The following STAB2 variants were observed in gnomAD, a reference collection of about 807,000 sequenced individuals.
The protein encoded by STAB2 is stabilin 2.
A neutral mutation model predicts 338.1 loss-of-function variants in STAB2; 288 were observed. That is an observed-to-expected ratio of 0.85 (90% confidence interval 0.77 to 0.94). The LOEUF (loss-of-function observed/expected upper bound fraction) is 0.94. STAB2 is among the 40% of genes least tolerant of loss of function. The pLI is 0.00. For synonymous variants in STAB2, 1,202 were observed against 1,193.3 expected, an observed-to-expected ratio of 1.01 and a Z score of -0.15; for missense variants, 3,141 against 3,210.1, an observed-to-expected ratio of 0.98 and a Z score of 0.52.
rs752889908 is a variant in STAB2, at chr12:103,637,156, G to A, written c.629G>A (p.Cys210Tyr). 1 of 1,612,838 alleles carries A rather than the reference G, an allele frequency of 6.2e-7. No homozygotes were observed. Among genetic ancestry groups the A allele is most frequent in the South Asian group, 1.1e-5 (1 of 90,770 alleles). The change falls in exon 7 of 69, where the codon TGT becomes TAT. Residue 210 changes from cysteine (C) to tyrosine (Y), a missense_variant. Physicochemically the swap from Cys to Tyr is radical, Grantham distance 194. Coordinates refer to ENST00000388887, the MANE Select transcript of STAB2 (RefSeq NM_017564.10). ...AALLCPENSRCSPSTEDENKL... is the reference protein window; with the variant it reads ...AALLCPENSRYSPSTEDENKL... ...TTGCTCTGCCCAGAAAATTCCAGATGTTCGCCTTCCACTGAAGATGAAAAC... is the reference window on the plus strand; with the variant it reads ...TTGCTCTGCCCAGAAAATTCCAGATATTCGCCTTCCACTGAAGATGAAAAC...
rs372928667 is a variant in STAB2, at chr12:103,698,411, G to A, written c.3583-685G>A. Among the ~76,000 whole-genome samples, 22 of 152,186 alleles carry A rather than the reference G, an allele frequency of 1.4e-4. No individual in the cohort carries two copies. The East Asian group carries it at 2.1e-3, about 15-fold the overall frequency. Reference sequence around the variant, plus strand: ...AGTGGTTGGGAAGAGACATCAAGAGGGTAAGAAGGTTAAGAGGGGTGGAAG... The same window carrying A: ...AGTGGTTGGGAAGAGACATCAAGAGAGTAAGAAGGTTAAGAGGGGTGGAAG... On this transcript the variant is annotated intron_variant, in intron 33 of 68. Transcript: ENST00000388887.
chr12:103,648,061 G>A (rs532259448), intron 9 of STAB2, among the ~76,000 whole-genome samples: 12 of 152,204 alleles, frequency 7.9e-5, no homozygotes, highest in Non-Finnish European at 1.6e-4. Flanking sequence ...TTATAGGGAA[G>A]CAGATATTAA....
chr12:103,684,430 A>C (rs1236614475), intron 26 of STAB2, among the ~76,000 whole-genome samples: 1 of 152,148 alleles, frequency 6.6e-6, no homozygotes, highest in Non-Finnish European at 1.5e-5. Flanking sequence ...AGATGCCCCC[A>C]AGGTGTCTGT....
At chr12:103,596,613 A>T (rs1219700343) in intron 3 of STAB2, among the ~76,000 whole-genome samples, 9 of 152,230 alleles carry the variant, frequency 5.9e-5, no homozygotes, top group Admixed American at 4.6e-4. Context: ...GGGTGACTCA[A>T]AGTCAAAATA....
At chr12:103,702,413 C>T (rs554331828) in intron 34 of STAB2, among the ~76,000 whole-genome samples, 3 of 152,180 alleles carry the variant, frequency 2.0e-5, no homozygotes, top group Admixed American at 6.5e-5. Context: ...GTTCTCCTGC[C>T]TCAGCCTCCC....
chr12:103,685,459 T>TGTGTGTGTGTGTGC (rs746468070), intron 27 of STAB2, among the ~76,000 whole-genome samples: 46 of 135,660 alleles, frequency 3.4e-4, no homozygotes, highest in Non-Finnish European at 5.8e-4. Context: ...TGTGTGCGCG[T>TGTGTGTGTGTGTGC]GCGTGTGTGT....
At chr12:103,602,145 A>T (rs1409696279) in intron 3 of STAB2, among the ~76,000 whole-genome samples, 2 of 152,216 alleles carry the variant, frequency 1.3e-5, no homozygotes, top group Non-Finnish European at 2.9e-5. Flanking sequence ...ATCCCTGGAA[A>T]ATACTAACCT....
intron 5 of STAB2, among the ~76,000 whole-genome samples, chr12:103,630,019 G>C (rs555049386): frequency 6.6e-6 from 1 of 152,220 alleles, no homozygotes; most frequent in Non-Finnish European, 1.5e-5. Context: ...AGTCAGGTTG[G>C]AGTGGCCATT....
chr12:103,669,796 G>T (rs1251347010), intron 21 of STAB2, among the ~76,000 whole-genome samples, 169 bp downstream of exon 21: 1 of 152,168 alleles, frequency 6.6e-6, no homozygotes, highest in East Asian at 1.9e-4. Context: ...GTCTGGGATG[G>T]GGGATGGGAG....
At chr12:103,590,765 C>A in intron 1 of STAB2, 132 bp from the exon 2 acceptor site, 2 of 1,068,780 alleles carry the variant, frequency 1.9e-6, no homozygotes, top group Non-Finnish European at 2.7e-6. Context: ...CATTACCAAT[C>A]AACCTTATCA....
At chr12:103,661,281 T>A (rs1205506853) in intron 17 of STAB2, among the ~76,000 whole-genome samples, 2 of 150,074 alleles carry the variant, frequency 1.3e-5, no homozygotes, top group East Asian at 3.9e-4. Context: ...GGGAACACAA[T>A]TCATTTTTAA....
intron 19 of STAB2, among the ~76,000 whole-genome samples, chr12:103,668,319 C>G (rs901502035): frequency 6.6e-6 from 1 of 152,128 alleles, no homozygotes; most frequent in Non-Finnish European, 1.5e-5. Context: ...GGCTATAGAT[C>G]GGAAGGGGAG....
chr12:103,634,812 G>A (rs992433323), intron 6 of STAB2, among the ~76,000 whole-genome samples: 1 of 152,216 alleles, frequency 6.6e-6, no homozygotes, highest in Non-Finnish European at 1.5e-5. Context: ...GTACCTCAGA[G>A]TTCTCTGCTT....
intron 55 of STAB2, among the ~76,000 whole-genome samples, chr12:103,741,620 AT>A (rs778514629): frequency 6.6e-6 from 1 of 152,076 alleles, no homozygotes. Context: ...GACTCAGCTA[AT>A]TTTTTTGTAT....
intron 6 of STAB2, among the ~76,000 whole-genome samples, chr12:103,635,523 T>C (rs905141943): frequency 1.3e-5 from 2 of 152,234 alleles, no homozygotes; most frequent in Non-Finnish European, 2.9e-5. Context: ...TGTCCAGTGC[T>C]TGACTCAGGA....
chr12:103,748,121 T>C (rs528656059), intron 58 of STAB2, among the ~76,000 whole-genome samples: 1 of 152,286 alleles, frequency 6.6e-6, no homozygotes, highest in African/African-American at 2.4e-5. Context: ...CAGAGATATA[T>C]ACTTTCTTTA....
chr12:103,628,693 C>T (rs774299438), intron 5 of STAB2, among the ~76,000 whole-genome samples: 4 of 152,140 alleles, frequency 2.6e-5, no homozygotes, highest in African/African-American at 4.8e-5. Flanking sequence ...GTGGCATCTC[C>T]CCTTCTTATG....
chr12:103,682,504 G>T (rs953322239), intron 25 of STAB2, among the ~76,000 whole-genome samples: 1 of 152,198 alleles, frequency 6.6e-6, no homozygotes, highest in Non-Finnish European at 1.5e-5. Context: ...TGCCTTACAG[G>T]CTAGCAATGG....
Position 103,728,941 on chromosome 12 carries a change from G to C in STAB2, c.5028G>C (p.Leu1676Phe), listed in dbSNP as rs769605671. The change falls in exon 48 of 69, where the codon TTG (leucine) becomes TTC (phenylalanine). Residue 1676 changes from leucine (L) to phenylalanine (F), a missense_variant. Coordinates refer to ENST00000388887, the MANE Select transcript of STAB2 (RefSeq NM_017564.10). ...AGCTGCTTCTGGAAAACCTGAAATTGATCTCAAATGCTACTTCCCTCCAAG... is the reference window on the plus strand; with the variant it reads ...AGCTGCTTCTGGAAAACCTGAAATTCATCTCAAATGCTACTTCCCTCCAAG... Reference protein sequence around the residue: ...CHQLLLENLKLISNATSLQGE... With the variant: ...CHQLLLENLKFISNATSLQGE... The C allele has an allele frequency of 6.2e-7, 1 of 1,613,932 alleles. No homozygotes were observed. The highest frequency in any genetic ancestry group is 8.5e-7 in the Non-Finnish European group (1 of 1,179,862).
Sources: gnomAD v4.1 joint callset for allele counts (sites outside exome capture counted in the v4.1 genomes callset) on GRCh38, gnomAD v4.1.1 for gene constraint, MANE v1.5 for transcripts, NCBI Gene and HGNC (gene_info 2026-07-23, HGNC 2026-07-21) for gene names.